The following ARF4 variants were observed in gnomAD, a reference collection of about 807,000 sequenced individuals.
The protein encoded by ARF4 is ADP-ribosylation factor 4.
ARF4 carries 5 observed loss-of-function variants against 24.3 expected under a neutral mutation model. That is an observed-to-expected ratio of 0.21 (90% CI 0.11 to 0.43). The LOEUF is 0.43. Ranked by LOEUF, ARF4 falls within the 20% of genes least tolerant of loss-of-function variation. ARF4 has a pLI of 1.00. For synonymous variants in ARF4, 62 were observed against 73.5 expected, an observed-to-expected ratio of 0.84 and a Z score of 0.80; for missense variants, 107 against 213.0, an observed-to-expected ratio of 0.50 and a Z score of 3.10.
chr3:57,582,391 C>T lies in ARF4; in HGVS notation c.258+1507G>A, dbSNP rs576097401. On this transcript the variant is annotated intron_variant, in intron 3 of 5. Transcript: ENST00000303436. ...CTGAGTAGCTGGGATCACAGGTGCGCGCCACCACGCCCGGCTAATTTTTGT... is the reference window on the plus strand; with the variant it reads ...CTGAGTAGCTGGGATCACAGGTGCGTGCCACCACGCCCGGCTAATTTTTGT... Among the ~76,000 whole-genome samples the T allele has an allele frequency of 2.4e-4, 36 of 151,590 alleles. No homozygotes were observed. The East Asian group carries it at 2.7e-3, about 12-fold the overall frequency.
At chr3:57,596,867 C>T (rs1228653880) in intron 1 of ARF4, 3 of 577,960 alleles carry the variant, frequency 5.2e-6, no homozygotes. Context: ...GAAGCCCTGT[C>T]CCTGTCTCGT....
At position 57,573,942 on chromosome 3, in the gene ARF4, TG is replaced by T. The variant is rs199551733; in HGVS notation, c.456+1605del. ...AAACAGGCAATAGGTTGTTTTTTTT[TG>T]TTTGTTTGTTTGTTTTGAGACGGAG... On this transcript the variant is annotated intron_variant, in intron 5 of 5. Coordinates refer to ENST00000303436, the MANE Select transcript of ARF4 (RefSeq NM_001660.4). Among the ~76,000 whole-genome samples, 417 of 150,552 alleles carry T rather than the reference TG, an allele frequency of 2.8e-3. 1 individual carries two copies. Among genetic ancestry groups the T allele is most frequent in the Non-Finnish European group, 4.6e-3 (308 of 67,488 alleles).
intron 5 of ARF4, among the ~76,000 whole-genome samples, chr3:57,574,020 C>A (rs1304321954): frequency 6.6e-6 from 1 of 152,116 alleles, no homozygotes; most frequent in Non-Finnish European, 1.5e-5. Context: ...CGGCTCACTG[C>A]AACCTCTGCT....
intron 3 of ARF4, 146 bp downstream of exon 3, chr3:57,583,752 A>G: frequency 1.5e-6 from 1 of 647,836 alleles, no homozygotes; most frequent in South Asian, 1.9e-5. Flanking sequence ...CCTAAGTGAG[A>G]GTCCACTGAA....
chr3:57,590,661 A>AGT (rs75472050), intron 1 of ARF4, among the ~76,000 whole-genome samples: 7 of 151,804 alleles, frequency 4.6e-5, no homozygotes, highest in Non-Finnish European at 7.4e-5. Flanking sequence ...CATAATTATA[A>AGT]GTGTGTGTGT....
chr3:57,586,342 T>TA (rs1239910729), intron 1 of ARF4, among the ~76,000 whole-genome samples: 2 of 152,172 alleles, frequency 1.3e-5, no homozygotes, highest in East Asian at 1.9e-4. Context: ...GCTAGTAAGT[T>TA]AAAAAAGAGC....
chr3:57,597,328 G>C lies in ARF4; in HGVS notation c.-188C>G, dbSNP rs1699317796. ...TCCGGCACAGGAATAAGCCGGTAGAGGACCTGCTAGGCGACTGGCGCGGCA... is the reference window on the plus strand; with the variant it reads ...TCCGGCACAGGAATAAGCCGGTAGACGACCTGCTAGGCGACTGGCGCGGCA... On this transcript the variant is annotated 5_prime_UTR_variant, in exon 1 of 6. Coordinates refer to ENST00000303436, the MANE Select transcript of ARF4 (RefSeq NM_001660.4). The C allele has an allele frequency of 3.7e-6, 2 of 540,620 alleles. No homozygotes were observed. Among genetic ancestry groups the C allele is most frequent in the South Asian group, 2.2e-5 (1 of 45,874 alleles). The allele number at this position is 540,620 out of a possible 1,614,324, so 33.5% of individuals were successfully genotyped here. A position where few individuals can be genotyped will look rare whatever the true frequency, so the allele number is the denominator to read the frequency against.
chr3:57,581,059 C>G (rs1441076707), intron 3 of ARF4, among the ~76,000 whole-genome samples: 1 of 152,068 alleles, frequency 6.6e-6, no homozygotes, highest in Non-Finnish European at 1.5e-5. Context: ...ACAGATAAGC[C>G]CAGCTGCTAT....
Position 57,597,241 on chromosome 3 carries a change from G to T in ARF4, c.-101C>A. 2 of 1,172,326 alleles carry T rather than the reference G, an allele frequency of 1.7e-6. No individual in the cohort carries two copies. Among genetic ancestry groups the T allele is most frequent in the Non-Finnish European group, 2.5e-6 (2 of 806,184 alleles). 72.6% of individuals were successfully genotyped at this position (1,172,326 alleles called of 1,614,324 possible). On this transcript the variant is annotated 5_prime_UTR_variant, in exon 1 of 6. Transcript: ENST00000303436. ...CAGGCAAACTAAACGAGAGGGAAGA[G>T]AAAGAGCGGAGGAAGAAAGAGGGAG...
chr3:57,584,127 T>C, intron 2 of ARF4, 120 bp from the exon 3 acceptor site: 1 of 770,416 alleles, frequency 1.3e-6, no homozygotes, highest in Non-Finnish European at 2.1e-6. Flanking sequence ...AAAAAATATA[T>C]TTAAGCCTAA....
At chr3:57,582,953 G>A (rs760646575) in intron 3 of ARF4, among the ~76,000 whole-genome samples, 2 of 152,168 alleles carry the variant, frequency 1.3e-5, no homozygotes, top group Non-Finnish European at 2.9e-5. Context: ...TGCCCCCAGG[G>A]GATATTTTGC....
chr3:57,585,562 A>C (rs1323401702), intron 1 of ARF4, among the ~76,000 whole-genome samples: 1 of 152,160 alleles, frequency 6.6e-6, no homozygotes, highest in African/African-American at 2.4e-5. Context: ...ACATGTATAC[A>C]TATGTAACAA....
chr3:57,572,033 G>A lies in ARF4; in HGVS notation c.*179C>T. 5.9e-6 allele frequency: 3 copies of A among 511,744 alleles called. No homozygotes were observed. The highest frequency in any genetic ancestry group is 1.0e-5 in the Non-Finnish European group (3 of 286,968). 31.7% of individuals were successfully genotyped at this position (511,744 alleles called of 1,614,324 possible). A position where few individuals can be genotyped will look rare whatever the true frequency, so the allele number is the denominator to read the frequency against. ...CCAAGGAGAATTTCTTTAAAACCAA[G>A]CACATTGCTAAATAGCAACATTATA... On this transcript the variant is annotated 3_prime_UTR_variant, in exon 6 of 6. Transcript: ENST00000303436.
intron 5 of ARF4, 115 bp downstream of exon 5, chr3:57,575,433 G>A (rs2069891908): frequency 9.8e-7 from 1 of 1,018,668 alleles, no homozygotes; most frequent in Non-Finnish European, 1.3e-6. Flanking sequence ...AATAAATGAT[G>A]TGCTCATTAT....
intron 3 of ARF4, 75 bp from the exon 4 acceptor site, chr3:57,577,462 T>C (rs2069920118): frequency 8.9e-7 from 1 of 1,119,574 alleles, no homozygotes; most frequent in Admixed American, 1.9e-5. Flanking sequence ...GGCAGCAAAA[T>C]GGTACCAATG....
At chr3:57,581,525 G>A (rs575609005) in intron 3 of ARF4, among the ~76,000 whole-genome samples, 1 of 152,348 alleles carries the variant, frequency 6.6e-6, no homozygotes, top group African/African-American at 2.4e-5. Context: ...TATTGGCCAA[G>A]CGCAGTAGCT....
chr3:57,586,489 C>G (rs1203473462), intron 1 of ARF4, among the ~76,000 whole-genome samples: 2 of 152,126 alleles, frequency 1.3e-5, no homozygotes, highest in Admixed American at 6.5e-5. Flanking sequence ...TACTCTGTAC[C>G]CTACCAAGAA....
At chr3:57,582,408 A>G (rs559764152) in intron 3 of ARF4, among the ~76,000 whole-genome samples, 1 of 147,842 alleles carries the variant, frequency 6.8e-6, no homozygotes, top group Non-Finnish European at 1.5e-5. Context: ...ACGCCCGGCT[A>G]ATTTTTGTAT....
intron 5 of ARF4, among the ~76,000 whole-genome samples, chr3:57,572,647 G>A (rs943235583): frequency 2.6e-5 from 4 of 152,146 alleles, no homozygotes; most frequent in African/African-American, 9.7e-5. Context: ...CTGCACTCCA[G>A]CCTGGGCGAC....
Sources: allele counts gnomAD v4.1 joint callset (sites outside exome capture counted in the v4.1 genomes callset), GRCh38; gene constraint gnomAD v4.1.1; transcripts MANE v1.5; gene names NCBI Gene and HGNC (gene_info 2026-07-23, HGNC 2026-07-21).